The following TBCD variants were observed in gnomAD, a reference collection of about 807,000 sequenced individuals.
The protein encoded by TBCD is tubulin-specific chaperone D.
Under a neutral mutation model 169.3 loss-of-function variants are expected in TBCD, and 105 were observed. That is an observed-to-expected ratio of 0.62 (90% CI 0.53 to 0.73). TBCD has a LOEUF of 0.73. Among genes scored for constraint, TBCD ranks in the 30% least tolerant of loss-of-function variants. The probability of loss-of-function intolerance (pLI) is 0.00; values close to 1 mark genes in which losing one functional copy is unlikely to be tolerated. For missense variants in TBCD, 1,444 were observed against 1,600.1 expected (o/e 0.90, Z 1.66); for synonymous variants, 700 against 643.9 (o/e 1.09, Z -1.32).
chr17:82,831,354 A>C lies in TBCD; in HGVS notation c.1318+16420A>C, dbSNP rs1160732920. 1.2e-6 allele frequency: 2 copies of C among 1,614,082 alleles called. No individual in the cohort carries two copies. Among genetic ancestry groups the C allele is most frequent in the East Asian group, 4.5e-5 (2 of 44,882 alleles). ...CGACGTGTTTTCTGTTGGGGTCCGAAGGGTTTAACCTGGAAGGACTCGAGG... is the reference window on the plus strand; with the variant it reads ...CGACGTGTTTTCTGTTGGGGTCCGACGGGTTTAACCTGGAAGGACTCGAGG... On this transcript the variant is annotated intron_variant, in intron 13 of 38. Transcript: ENST00000355528. This position sits in a 1 kb window ranked among gnomAD's most constrained non-coding sequence, Gnocchi z 4.6.
At chr17:82,785,274 G>A (rs1232056441) in intron 7 of TBCD, among the ~76,000 whole-genome samples, 2 of 86,886 alleles carry the variant, frequency 2.3e-5, no homozygotes, top group Non-Finnish European at 4.8e-5. Flanking sequence ...GGTCCATGCT[G>A]TGTGACTGGG....
At chr17:82,869,566 A>G (rs1304000975) in intron 13 of TBCD, among the ~76,000 whole-genome samples, 1 of 152,214 alleles carries the variant, frequency 6.6e-6, no homozygotes, top group East Asian at 1.9e-4. Context: ...ATGTCAGATT[A>G]CCCATTAACC....
chr17:82,830,109 C>T (rs749538789), intron 13 of TBCD: 19 of 1,612,190 alleles, frequency 1.2e-5, no homozygotes, highest in Admixed American at 6.7e-5. Context: ...TGTGTGTGGC[C>T]GTAGCTCTGT....
chr17:82,756,322 G>C lies in TBCD; in HGVS notation c.235+107G>C, dbSNP rs1177291378. The C allele has an allele frequency of 5.1e-6, 6 of 1,173,530 alleles. No individual in the cohort carries two copies. In the Admixed American group the frequency reaches 1.2e-4, roughly 24 times the overall value. 72.7% of individuals were successfully genotyped at this position (1,173,530 alleles called of 1,614,324 possible). A position where few individuals can be genotyped will look rare whatever the true frequency, so the allele number is the denominator to read the frequency against. On this transcript the variant is annotated intron_variant, in intron 2 of 38. Coordinates refer to ENST00000355528, the MANE Select transcript of TBCD (RefSeq NM_005993.5). ...GTGCTTTGCCAGGATCAAATGCCAA[G>C]AAGTGTCCCTGTCTTGCTTGCCTGG...
intron 13 of TBCD, among the ~76,000 whole-genome samples, chr17:82,854,961 A>G (rs999522463): frequency 1.2e-4 from 18 of 152,146 alleles, no homozygotes; most frequent in African/African-American, 4.3e-4. Context: ...GAAAGGCCAC[A>G]CCTCCTAACA....
chr17:82,775,634 A>G (rs1022131685), intron 6 of TBCD, among the ~76,000 whole-genome samples: 2 of 150,422 alleles, frequency 1.3e-5, no homozygotes, highest in Non-Finnish European at 3.0e-5. Flanking sequence ...GCCAACATCC[A>G]CAGCGCTGTA....
At chr17:82,929,069 A>ATTTACCGCCCGCCCTTGG in intron 30 of TBCD, 44 bp from the exon 31 acceptor site, 1 of 1,586,766 alleles carries the variant, frequency 6.3e-7, no homozygotes. Context: ...CCCGCTCTTA[A>ATTTACCGCCCGCCCTTGG]TTTACCGCCC....
chr17:82,863,975 A>G (rs77141970), intron 13 of TBCD, among the ~76,000 whole-genome samples: 1,550 of 152,316 alleles, frequency 0.01, 33 homozygotes, highest in African/African-American at 0.035. Flanking sequence ...AGCTGAGTAG[A>G]TTACCACCCT....
At chr17:82,795,432 T>C (rs1307952281) in intron 7 of TBCD, 10 of 560,426 alleles carry the variant, frequency 1.8e-5, no homozygotes, top group African/African-American at 4.1e-5. Context: ...GCACAGCTGC[T>C]CTTCTGGTTT....
intron 13 of TBCD, among the ~76,000 whole-genome samples, chr17:82,861,913 CT>C (rs1234418745): frequency 0.026 from 3,748 of 144,068 alleles, 164 homozygotes; most frequent in African/African-American, 0.088. Flanking sequence ...ACCTGAAGGT[CT>C]TTTTTTTTTT....
chr17:82,830,324 G>T, intron 13 of TBCD: 1 of 1,614,088 alleles, frequency 6.2e-7, no homozygotes, highest in African/African-American at 1.3e-5. Context: ...GTGTCTTGCC[G>T]GCAGGCAGGT....
At chr17:82,836,582 C>T (rs2053995161) in intron 13 of TBCD, among the ~76,000 whole-genome samples, 1 of 151,702 alleles carries the variant, frequency 6.6e-6, no homozygotes, top group South Asian at 2.1e-4. Context: ...CCTCTAGCGC[C>T]TGAAACACAA....
chr17:82,928,000 G>T lies in TBCD; in HGVS notation c.2693+12G>T. ...ATCGAGGCCCATACGTGAGTGTCAC[G>T]TCGCAGCTCTTCTGCATCCTAGAGG... On this transcript the variant is annotated intron_variant, in intron 30 of 38. Transcript: ENST00000355528. 6.2e-7 allele frequency: 1 copy of T among 1,607,214 alleles called. No homozygotes were observed.
rs555938347 is a variant in TBCD at position 82,873,600 on chromosome 17, C to T, written c.1475+3220C>T. ...AAAGTCACGAGCAAGAAAGTTCTTA[C>T]CTAAGGTCCTGGACAGGCAGATACA... On this transcript the variant is annotated intron_variant, in intron 14 of 38. Transcript: ENST00000355528. Among the ~76,000 whole-genome samples, 3 of 152,334 alleles carry T rather than the reference C, an allele frequency of 2.0e-5. No homozygotes were observed. In the South Asian group the frequency reaches 6.2e-4, roughly 32 times the overall value.
chr17:82,802,453 G>T (rs531516955), intron 9 of TBCD, among the ~76,000 whole-genome samples: 4 of 152,184 alleles, frequency 2.6e-5, no homozygotes, highest in Non-Finnish European at 5.9e-5. Context: ...AGCTGCTGTG[G>T]GGAATGTTCA....
At chr17:82,869,842 CG>C (rs2057432241) in intron 13 of TBCD, among the ~76,000 whole-genome samples, 1 of 152,036 alleles carries the variant, frequency 6.6e-6, no homozygotes, top group Non-Finnish European at 1.5e-5. Flanking sequence ...GAACCAGGGG[CG>C]CCTCTCCCTC....
At chr17:82,845,753 G>T (rs2054984917) in intron 13 of TBCD, among the ~76,000 whole-genome samples, 1 of 152,232 alleles carries the variant, frequency 6.6e-6, no homozygotes, top group African/African-American at 2.4e-5. Flanking sequence ...GGCAGCAATT[G>T]CTGACCTCCC....
chr17:82,861,482 T>TTG (rs2056762370), intron 13 of TBCD, among the ~76,000 whole-genome samples: 1 of 152,162 alleles, frequency 6.6e-6, no homozygotes, highest in Non-Finnish European at 1.5e-5. Context: ...AAATCAATGT[T>TTG]TGTTTATATT....
chr17:82,806,755 C>T lies in TBCD; in HGVS notation c.1087+744C>T, dbSNP rs1217082585. 1.3e-5 allele frequency among the ~76,000 whole-genome samples: 2 copies of T among 152,222 alleles called. No homozygotes were observed. The highest frequency in any genetic ancestry group is 4.8e-5 in the African/African-American group (2 of 41,458). On this transcript the variant is annotated intron_variant, in intron 10 of 38. Transcript: ENST00000355528. This position sits in a 1 kb window ranked among gnomAD's most constrained non-coding sequence, Gnocchi z 5.1. ...CCAGTCATCTGCACCCCACCTCGAC[C>T]GTGACCATCAGGGCGCCTGTGGCAC...
Sources: gnomAD v4.1 joint callset for allele counts (sites outside exome capture counted in the v4.1 genomes callset) on GRCh38, gnomAD v4.1.1 for gene constraint, Gnocchi (gnomAD v3.1) non-coding constraint, MANE v1.5 for transcripts, NCBI Gene and HGNC (gene_info 2026-07-23, HGNC 2026-07-21) for gene names.